SKIC3: variants seen among roughly 807,000 people sequenced by gnomAD.
SKIC3 encodes the protein SKI3 subunit of superkiller complex, also known as superkiller complex protein 3.
the SKIC3 span, among the ~76,000 whole-genome samples, chr5:95,547,572 T>A: frequency 1.3e-5 from 2 of 152,080 alleles, no homozygotes; most frequent in Non-Finnish European, 2.9e-5. Context: ...CACTGCCGCA[T>A]CCCCAGGACC....
chr5:95,481,216 T>A, the SKIC3 span, among the ~76,000 whole-genome samples: 2 of 152,192 alleles, frequency 1.3e-5, no homozygotes, highest in Admixed American at 6.5e-5. Context: ...TCATCTTGAA[T>A]TCCCATGTGT....
At chr5:95,480,775 T>C in the SKIC3 span, among the ~76,000 whole-genome samples, 1 of 152,156 alleles carries the variant, frequency 6.6e-6, no homozygotes, top group Admixed American at 6.5e-5. Context: ...AATATTATCG[T>C]ATGTCCATAA....
chr5:95,471,607 C>A, the SKIC3 span, among the ~76,000 whole-genome samples: 1 of 152,116 alleles, frequency 6.6e-6, no homozygotes, highest in Non-Finnish European at 1.5e-5. Flanking sequence ...CTGCCCCGCC[C>A]CAATTCCCCT....
chr5:95,526,879 C>T, the SKIC3 span, among the ~76,000 whole-genome samples: 2 of 152,172 alleles, frequency 1.3e-5, no homozygotes, highest in Non-Finnish European at 2.9e-5. Flanking sequence ...CAGAATACTT[C>T]AACAAAGGCA....
the SKIC3 span, chr5:95,528,981 C>T: frequency 6.2e-7 from 1 of 1,610,096 alleles, no homozygotes; most frequent in Non-Finnish European, 8.5e-7. Flanking sequence ...ATATGTCAAC[C>T]CAAAAAGTAT....
At chr5:95,548,998 T>TA in the SKIC3 span, among the ~76,000 whole-genome samples, 1 of 151,838 alleles carries the variant, frequency 6.6e-6, no homozygotes, top group African/African-American at 2.4e-5. Flanking sequence ...GTGCACGATA[T>TA]AAAAAATATA....
the SKIC3 span, chr5:95,498,530 T>C: frequency 7.4e-6 from 12 of 1,614,240 alleles, no homozygotes; most frequent in African/African-American, 1.3e-5. Flanking sequence ...GCATCCTGCA[T>C]TGCCAACCCT....
the SKIC3 span, chr5:95,517,371 G>T: frequency 1.9e-6 from 3 of 1,576,794 alleles, no homozygotes; most frequent in Admixed American, 5.4e-5. Flanking sequence ...TAAAAAGCAT[G>T]AAGTTTATCT....
the SKIC3 span, chr5:95,509,507 C>T: frequency 1.6e-5 from 16 of 1,010,874 alleles, no homozygotes; most frequent in Admixed American, 2.7e-4. Flanking sequence ...TCACCCGGTT[C>T]TCCCAACGCA....
At chr5:95,475,739 G>A in the SKIC3 span, among the ~76,000 whole-genome samples, 2 of 152,194 alleles carry the variant, frequency 1.3e-5, no homozygotes, top group Non-Finnish European at 2.9e-5. Flanking sequence ...GGATCTTTAT[G>A]TGAAGGTGAA....
At chr5:95,535,725 G>A in the SKIC3 span, among the ~76,000 whole-genome samples, 1 of 151,962 alleles carries the variant, frequency 6.6e-6, no homozygotes, top group Non-Finnish European at 1.5e-5. Flanking sequence ...TTCTACCAAG[G>A]AATTTTCCTT....
At chr5:95,469,841 A>T in the SKIC3 span, 1 of 1,614,218 alleles carries the variant, frequency 6.2e-7, no homozygotes, top group South Asian at 1.1e-5. Flanking sequence ...AGTGGACAAA[A>T]GCAAAGCTTC....
the SKIC3 span, chr5:95,491,186 T>A: frequency 8.4e-7 from 1 of 1,187,390 alleles, no homozygotes; most frequent in Admixed American, 2.3e-5. Context: ...AAATTGCACT[T>A]GTTTTCAGAG....
At chr5:95,503,768 A>C in the SKIC3 span, 1 of 1,610,956 alleles carries the variant, frequency 6.2e-7, no homozygotes, top group Admixed American at 1.7e-5. Flanking sequence ...CATCATGATT[A>C]AACTCGACTC....
the SKIC3 span, chr5:95,528,726 C>T: frequency 9.5e-6 from 4 of 422,018 alleles, no homozygotes; most frequent in Non-Finnish European, 1.7e-5. Flanking sequence ...TTCCTTGTTA[C>T]AAAGACAGAG....
At chr5:95,530,221 T>G in the SKIC3 span, 5 of 1,613,306 alleles carry the variant, frequency 3.1e-6, no homozygotes, top group Non-Finnish European at 4.2e-6. Flanking sequence ...CCCTCATCAG[T>G]AAGATTTCCT....
At chr5:95,513,565 T>G in the SKIC3 span, 3 of 1,613,022 alleles carry the variant, frequency 1.9e-6, no homozygotes, top group Non-Finnish European at 2.5e-6. Context: ...ATGTTCAGAT[T>G]CTTACATGCA....
the SKIC3 span, chr5:95,467,858 T>A: frequency 6.2e-7 from 1 of 1,613,442 alleles, no homozygotes; most frequent in South Asian, 1.1e-5. Context: ...ATAAAATCAA[T>A]GCCTTACGTC....
the SKIC3 span, among the ~76,000 whole-genome samples, chr5:95,528,397 G>C: frequency 3.9e-5 from 6 of 151,992 alleles, no homozygotes; most frequent in African/African-American, 1.4e-4. Flanking sequence ...TAATAAAACT[G>C]AATATCCTAA....
Sources: allele counts gnomAD v4.1 joint callset (sites outside exome capture counted in the v4.1 genomes callset), GRCh38; gene constraint gnomAD v4.1.1; transcripts MANE v1.5; gene names NCBI Gene and HGNC (gene_info 2026-07-23, HGNC 2026-07-21).